Variants in EMILIN2 observed in about 807,000 individuals in gnomAD.
EMILIN2 encodes EMILIN-2.
Under a neutral mutation model 87.1 loss-of-function variants are expected in EMILIN2, and 71 were observed. The observed-to-expected ratio is 0.82, with a 90% CI of 0.67 to 0.99. EMILIN2 has a LOEUF of 0.99. EMILIN2 is among the 50% of genes least tolerant of loss of function. EMILIN2 has a pLI of 0.00. For missense variants in EMILIN2, 1,407 were observed against 1,371.8 expected, an observed-to-expected ratio of 1.03 and a Z score of -0.40; for synonymous variants, 581 against 563.4, an observed-to-expected ratio of 1.03 and a Z score of -0.44.
intron 2 of EMILIN2, among the ~76,000 whole-genome samples, chr18:2,867,983 A>AC (rs1279398258): frequency 4.1e-5 from 6 of 145,574 alleles, no homozygotes; most frequent in Non-Finnish European, 6.0e-5. Context: ...CAGGGGGCTG[A>AC]CCCCCCCACC....
At position 2,847,711 on chromosome 18, in the gene EMILIN2, G is replaced by C. The variant is rs1598481869; in HGVS notation, c.135-98G>C. 6.7e-7 allele frequency: 1 copy of C among 1,492,742 alleles called. No homozygotes were observed. The allele number at this position is 1,492,742 out of a possible 1,614,324, so 92.5% of individuals were successfully genotyped here. ...TCCGCAGAGGGCGACGGGCCCCCCC[G>C]ACCCTCGCTCGGTCTGGTGCCGCAG... On this transcript the variant is annotated intron_variant, in intron 1 of 7. Transcript: ENST00000254528. The surrounding 1 kb of genome is among the most constrained non-coding windows in gnomAD (Gnocchi z 4.5).
chr18:2,906,486 A>C, intron 4 of EMILIN2: 76 of 114,076 alleles, frequency 6.7e-4, no homozygotes, highest in African/African-American at 1.1e-3. Flanking sequence ...GAAATCGGGA[A>C]TTGTTGATGC....
At chr18:2,887,377 T>A (rs2076808296) in intron 3 of EMILIN2, among the ~76,000 whole-genome samples, 1 of 152,226 alleles carries the variant, frequency 6.6e-6, no homozygotes, top group Non-Finnish European at 1.5e-5. Context: ...AATCTCATGT[T>A]GCAATGTGAT....
chr18:2,908,717 TC>T (rs2076926547), intron 5 of EMILIN2, among the ~76,000 whole-genome samples: 1 of 152,048 alleles, frequency 6.6e-6, no homozygotes, highest in African/African-American at 2.4e-5. Flanking sequence ...AGTGCCCTCT[TC>T]CCCGCCAGGG....
intron 4 of EMILIN2, among the ~76,000 whole-genome samples, chr18:2,899,727 C>T (rs973115730): frequency 6.6e-6 from 1 of 152,132 alleles, no homozygotes; most frequent in Non-Finnish European, 1.5e-5. Context: ...TGGTTTCAAA[C>T]TCCTGACCTC....
chr18:2,846,718 G>C, upstream of EMILIN2: 1 of 984,026 alleles, frequency 1.0e-6, no homozygotes, highest in Non-Finnish European at 1.2e-6. This position sits in a 1 kb window ranked among gnomAD's most constrained non-coding sequence, Gnocchi z 5.3. Flanking sequence ...CCGCGTCCCG[G>C]GGGGCCGGGA....
chr18:2,866,108 A>G (rs2076685479), intron 2 of EMILIN2, among the ~76,000 whole-genome samples: 1 of 152,048 alleles, frequency 6.6e-6, no homozygotes, highest in African/African-American at 2.4e-5. Context: ...GCTGTCTGTC[A>G]CCCCTTTCTT....
intron 2 of EMILIN2, among the ~76,000 whole-genome samples, chr18:2,852,902 C>T (rs1019856722): frequency 7.9e-5 from 12 of 152,326 alleles, no homozygotes; most frequent in Admixed American, 7.2e-4. Flanking sequence ...CTGTGTCTCT[C>T]TCTAGTGCAC....
intron 2 of EMILIN2, among the ~76,000 whole-genome samples, chr18:2,859,382 C>A (rs2076649602): frequency 6.6e-6 from 1 of 151,858 alleles, no homozygotes; most frequent in African/African-American, 2.4e-5. Context: ...GGGAATTGTC[C>A]ATTCATGTCC....
Position 2,916,001 on chromosome 18 carries a change from T to G in EMILIN2, c.*2597T>G, listed in dbSNP as rs1342659169. On this transcript the variant is annotated 3_prime_UTR_variant, in exon 8 of 8. Transcript: ENST00000254528. ...TGCAAACCTTAAACTGCATTTGAAATTACTTCCTGGTTGGCATGTTAATCT... is the reference window on the plus strand; with the variant it reads ...TGCAAACCTTAAACTGCATTTGAAAGTACTTCCTGGTTGGCATGTTAATCT... 3 of 152,202 alleles carry G rather than the reference T, an allele frequency of 2.0e-5. No individual in the cohort carries two copies. The highest frequency in any genetic ancestry group is 7.2e-5 in the African/African-American group (3 of 41,448). 9.4% of individuals were successfully genotyped at this position (152,202 alleles called of 1,614,324 possible). A position where few individuals can be genotyped will look rare whatever the true frequency, so the allele number is the denominator to read the frequency against.
chr18:2,850,698 G>T (rs1184785141), intron 2 of EMILIN2, among the ~76,000 whole-genome samples: 2 of 152,148 alleles, frequency 1.3e-5, no homozygotes, highest in African/African-American at 2.4e-5. Flanking sequence ...GAAGTACAGG[G>T]CTGGAGGTTG....
At chr18:2,867,403 GA>G (rs2076691947) in intron 2 of EMILIN2, among the ~76,000 whole-genome samples, 1 of 151,874 alleles carries the variant, frequency 6.6e-6, no homozygotes, top group Admixed American at 6.6e-5. Context: ...CGCAGAGGGG[GA>G]TTTGGCAGGG....
In EMILIN2 at chr18:2,906,767, C is replaced by T. The variant is rs2076914676; in HGVS notation, c.2360-16C>T. 2 of 1,255,408 alleles carry T rather than the reference C, an allele frequency of 1.6e-6. No homozygotes were observed. The highest frequency in any genetic ancestry group is 3.2e-5 in the African/African-American group (2 of 62,828). 77.8% of individuals were successfully genotyped at this position (1,255,408 alleles called of 1,614,324 possible). ...TTCCTAATCCCGTGTGTTTCTTTCT[C>T]CCCGACGCCCGGCAGAGGCGCCCTC... On this transcript the variant is annotated splice_polypyrimidine_tract_variant and intron_variant, in intron 4 of 7. Transcript: ENST00000254528.
In EMILIN2 at chr18:2,847,468, G is replaced by C. The variant is rs111332424; in HGVS notation, c.134+146G>C. On this transcript the variant is annotated intron_variant, in intron 1 of 7. Transcript: ENST00000254528. The surrounding 1 kb of genome is among the most constrained non-coding windows in gnomAD (Gnocchi z 4.5). ...CGGGCGGCTCCCTCTGCGGGGGACC[G>C]CGCGCTCCGCAGCCGGCGCCTCAGG... The C allele has an allele frequency of 2.2e-5, 22 of 993,002 alleles. No homozygotes were observed. The highest frequency in any genetic ancestry group is 2.9e-5 in the Non-Finnish European group (22 of 760,246). 61.5% of individuals were successfully genotyped at this position (993,002 alleles called of 1,614,324 possible).
chr18:2,849,522 A>C (rs2076592858), intron 2 of EMILIN2, among the ~76,000 whole-genome samples: 1 of 152,186 alleles, frequency 6.6e-6, no homozygotes, highest in Non-Finnish European at 1.5e-5. Context: ...AACTCAGTGA[A>C]ACTTGGCTGT....
At chr18:2,877,639 G>A (rs533863504) in intron 2 of EMILIN2, among the ~76,000 whole-genome samples, 6 of 151,936 alleles carry the variant, frequency 3.9e-5, no homozygotes, top group East Asian at 3.9e-4. Flanking sequence ...TTAGCCAGGC[G>A]TGGTGGCCTG....
At chr18:2,871,030 TTTGTTTTAAC>T (rs1398586369) in intron 2 of EMILIN2, among the ~76,000 whole-genome samples, 3 of 152,218 alleles carry the variant, frequency 2.0e-5, no homozygotes, top group Admixed American at 6.5e-5. Flanking sequence ...CTCTAATGAC[TTTGTTTTAAC>T]TTGTTTTAAC....
chr18:2,858,575 G>GTATATC (rs1233576785), intron 2 of EMILIN2, among the ~76,000 whole-genome samples: 1 of 65,510 alleles, frequency 1.5e-5, no homozygotes, highest in Non-Finnish European at 2.6e-5. Flanking sequence ...ATATATGTGT[G>GTATATC]TGTGTGTGTA....
intron 3 of EMILIN2, 48 bp downstream of exon 3, chr18:2,885,187 G>A (rs375319666): frequency 1.1e-4 from 167 of 1,504,388 alleles, no homozygotes; most frequent in Non-Finnish European, 1.4e-4. Flanking sequence ...TAATATTTCC[G>A]GTGCTCCTTC....
Sources: gnomAD v4.1 joint callset for allele counts (sites outside exome capture counted in the v4.1 genomes callset) on GRCh38, gnomAD v4.1.1 for gene constraint, Gnocchi (gnomAD v3.1) non-coding constraint, MANE v1.5 for transcripts, NCBI Gene and HGNC (gene_info 2026-07-23, HGNC 2026-07-21) for gene names.